The following CELSR3 variants were observed in gnomAD, a reference collection of about 807,000 sequenced individuals.
The protein encoded by CELSR3 is EGF-like protein 1.
In CELSR3, 73 loss-of-function variants were observed where a neutral mutation model predicts 270.0. That is an observed-to-expected ratio of 0.27 (90% CI 0.22 to 0.33). The LOEUF (loss-of-function observed/expected upper bound fraction) is 0.33. CELSR3 is among the 10% of genes least tolerant of loss of function. The pLI, the probability that CELSR3 is intolerant of heterozygous loss-of-function variation, is 1.00. For synonymous variants in CELSR3, 1,780 were observed against 1,905.4 expected (o/e 0.93, Z 1.71); for missense variants, 3,614 against 4,533.8 (o/e 0.80, Z 5.83).
In CELSR3 at chr3:48,641,272, A is replaced by G; in HGVS notation, c.9025+52T>C. The G allele has an allele frequency of 8.2e-7, 1 of 1,223,324 alleles. No homozygotes were observed. Among genetic ancestry groups the G allele is most frequent in the Non-Finnish European group, 1.2e-6 (1 of 831,252 alleles). The allele number at this position is 1,223,324 out of a possible 1,614,324, so 75.8% of individuals were successfully genotyped here. ...AAGCTGCAATCCCTTGGCTCAGGGC[A>G]TGAGCAGCCCCCAGCGTGTCTGCGG... On this transcript the variant is annotated intron_variant, in intron 33 of 34. Transcript: ENST00000164024. This position sits in a 1 kb window ranked among gnomAD's most constrained non-coding sequence, Gnocchi z 4.8.
chr3:48,649,335 C>CT (rs2047116112), intron 16 of CELSR3, 120 bp from the exon 17 acceptor site: 1 of 836,952 alleles, frequency 1.2e-6, no homozygotes, highest in Non-Finnish European at 1.9e-6. Flanking sequence ...TCATGAGCAT[C>CT]TATAGCTGCA....
chr3:48,637,953 CAT>C lies in CELSR3; in HGVS notation c.*250_*251del, dbSNP rs1432786893. 8 of 409,422 alleles carry C rather than the reference CAT, an allele frequency of 2.0e-5. No individual in the cohort carries two copies. The East Asian group carries it at 2.6e-4, about 13-fold the overall frequency. 25.4% of individuals were successfully genotyped at this position (409,422 alleles called of 1,614,324 possible). A position where few individuals can be genotyped will look rare whatever the true frequency, so the allele number is the denominator to read the frequency against. On this transcript the variant is annotated 3_prime_UTR_variant, in exon 35 of 35. Coordinates refer to ENST00000164024, the MANE Select transcript of CELSR3 (RefSeq NM_001407.3). ...AGGAGACAGAAAAGCTGAAAAATAACATAAGCATCTCTCTGGTTACAAAGGTA... is the reference window on the plus strand; with the variant it reads ...AGGAGACAGAAAAGCTGAAAAATAACAAGCATCTCTCTGGTTACAAAGGTA...
rs750028194 is a variant in CELSR3, at chr3:48,650,905, G to T, written c.6357C>A (p.Ala2119=). 2 of 1,610,570 alleles carry T rather than the reference G, an allele frequency of 1.2e-6. No individual in the cohort carries two copies. The highest frequency in any genetic ancestry group is 1.7e-6 in the Non-Finnish European group (2 of 1,179,700). The change falls in exon 15 of 35, where the codon GCC becomes GCA. Residue 2119 remains alanine (A), a synonymous_variant. Transcript: ENST00000164024. The surrounding 1 kb of genome is among the most constrained non-coding windows in gnomAD (Gnocchi z 5.1). The stretch of plus-strand genomic sequence containing the variant: ...GAGCCTGCTCACCCCGGCAGCCGCT[G>T]GCTGTCACCTCTGCGAAGGGACTGT... ...SCDSPFAEVT[A]SGCRVLYDAC... is the part of the protein sequence containing the mutation.
rs886648890 is a variant in CELSR3, at chr3:48,650,519, C to A, written c.6433G>T (p.Gly2145Cys). 24 of 1,610,092 alleles carry A rather than the reference C, an allele frequency of 1.5e-5. No individual in the cohort carries two copies. Among genetic ancestry groups the A allele is most frequent in the Non-Finnish European group, 2.0e-5 (23 of 1,178,790 alleles). ...SGVWWPQTKF[G>C]VLATVPCPRG... is the part of the protein sequence containing the mutation. ...GGACAGGGCACTGTGGCCAGGACGC[C>A]AAACTTTGTCTGGGGCCACCACACA... Residue 2145 changes from glycine (G) to cysteine (C), a missense_variant, in exon 16 of 35, where the codon GGC becomes TGC. By Grantham distance (159) the Gly-to-Cys change is radical. This residue lies in a region of CELSR3 where 1,331 missense variants were observed against 1,933.7 expected (regional missense o/e 0.69). Coordinates refer to ENST00000164024, the MANE Select transcript of CELSR3 (RefSeq NM_001407.3). The surrounding 1 kb of genome is among the most constrained non-coding windows in gnomAD (Gnocchi z 5.1).
In CELSR3 at chr3:48,657,722, G is replaced by A. The variant is rs80125639; in HGVS notation, c.3749-374C>T. Among the ~76,000 whole-genome samples the A allele has an allele frequency of 3.1e-3, 479 of 152,294 alleles. 5 individuals are homozygous for A. Among genetic ancestry groups the A allele is most frequent in the African/African-American group, 9.4e-3 (389 of 41,560 alleles). Reference sequence around the variant, plus strand: ...AGGCCACCCCAACTCAGGACACAGAGAGGAGCTAGGGCCACTGGCCACTCA... The same window carrying A: ...AGGCCACCCCAACTCAGGACACAGAAAGGAGCTAGGGCCACTGGCCACTCA... On this transcript the variant is annotated intron_variant, in intron 1 of 34. Coordinates refer to ENST00000164024, the MANE Select transcript of CELSR3 (RefSeq NM_001407.3). This position sits in a 1 kb window ranked among gnomAD's most constrained non-coding sequence, Gnocchi z 5.4.
At position 48,650,437 on chromosome 3, in the gene CELSR3, CCACCCCCACCCTCA is replaced by C; in HGVS notation, c.6472+29_6472+42del. The C allele has an allele frequency of 1.5e-6, 1 of 664,334 alleles. No individual in the cohort carries two copies. Among genetic ancestry groups the C allele is most frequent in the Non-Finnish European group, 2.6e-6 (1 of 383,784 alleles). The allele number at this position is 664,334 out of a possible 1,614,324, so 41.2% of individuals were successfully genotyped here. Reference sequence around the variant, plus strand: ...TGGCTCTAGCAGTCAGAGTACAGGCCCACCCCCACCCTCAGTGATGTCCTTTCCCCCCACATACT... The same window carrying C: ...TGGCTCTAGCAGTCAGAGTACAGGCCGTGATGTCCTTTCCCCCCACATACT... On this transcript the variant is annotated intron_variant, in intron 16 of 34. Transcript: ENST00000164024. The surrounding 1 kb of genome is among the most constrained non-coding windows in gnomAD (Gnocchi z 5.1).
intron 17 of CELSR3, 31 bp from the exon 18 acceptor site, chr3:48,648,959 G>T (rs2047112710): frequency 6.2e-7 from 1 of 1,608,668 alleles, no homozygotes; most frequent in African/African-American, 1.3e-5. Context: ...TTGCTCTGTG[G>T]TCCCTTAGGC....
At position 48,654,350 on chromosome 3, in the gene CELSR3, C is replaced by T; in HGVS notation, c.5091G>A (p.Leu1697=). 1 of 1,614,060 alleles carries T rather than the reference C, an allele frequency of 6.2e-7. No homozygotes were observed. Among genetic ancestry groups the T allele is most frequent in the Non-Finnish European group, 8.5e-7 (1 of 1,180,012 alleles). The change falls in exon 7 of 35, where the codon CTG becomes CTA. Residue 1697 remains leucine (L), a synonymous_variant. Coordinates refer to ENST00000164024, the MANE Select transcript of CELSR3 (RefSeq NM_001407.3). This position sits in a 1 kb window ranked among gnomAD's most constrained non-coding sequence, Gnocchi z 5.4. ...TGTCCACTCGGCGGCCATCAATGTG[C>T]AGGTCCCGCATACAGCCGATGAAGT... is the stretch of plus-strand genomic sequence containing the variant. The part of the protein sequence containing the change: ...HKDFIGCMRD[L]HIDGRRVDMA...
Position 48,654,015 on chromosome 3 carries a change from A to C in CELSR3, c.5153-12T>G. On this transcript the variant is annotated splice_polypyrimidine_tract_variant and intron_variant, in intron 7 of 34. Coordinates refer to ENST00000164024, the MANE Select transcript of CELSR3 (RefSeq NM_001407.3). The surrounding 1 kb of genome is among the most constrained non-coding windows in gnomAD (Gnocchi z 5.4). ...CTTGGCTTGGCAGCCTGGGAGAGGA[A>C]AGCACATGGCGGACATGAGAACAAG... 1 of 1,611,596 alleles carries C rather than the reference A, an allele frequency of 6.2e-7. No individual in the cohort carries two copies. The highest frequency in any genetic ancestry group is 1.1e-5 in the South Asian group (1 of 91,026).
rs776216670 is a variant in CELSR3 at position 48,648,858 on chromosome 3, C to T, written c.6638G>A (p.Arg2213Gln). 1.3e-5 allele frequency: 21 copies of T among 1,612,770 alleles called. No homozygotes were observed. Among genetic ancestry groups the T allele is most frequent in the East Asian group, 2.2e-5 (1 of 44,894 alleles). The change falls in exon 18 of 35, where the codon CGG becomes CAG. Residue 2213 changes from arginine to glutamine, a missense_variant. Physicochemically the swap from Arg to Gln is conservative, Grantham distance 43. Transcript: ENST00000164024. ...MEAKKLAQRL[R>Q]EVTGHTDHYF... is the part of the protein sequence containing the mutation. ...GTGGTCAGTGTGGCCAGTCACCTCCCGTAGCCGCTGAGCCAGCTTCTTGGC... is the reference window on the plus strand; with the variant it reads ...GTGGTCAGTGTGGCCAGTCACCTCCTGTAGCCGCTGAGCCAGCTTCTTGGC...
At position 48,652,129 on chromosome 3, in the gene CELSR3, T is replaced by G; in HGVS notation, c.5752-81A>C. 1 of 1,338,862 alleles carries G rather than the reference T, an allele frequency of 7.5e-7. No individual in the cohort carries two copies. Among genetic ancestry groups the G allele is most frequent in the African/African-American group, 1.5e-5 (1 of 67,366 alleles). 82.9% of individuals were successfully genotyped at this position (1,338,862 alleles called of 1,614,324 possible). A position where few individuals can be genotyped will look rare whatever the true frequency, so the allele number is the denominator to read the frequency against. ...GTACTGCAGAGCCAGCCACCCGGTC[T>G]GATGATCCTTGACATGCAGTCTTCT... is the stretch of plus-strand genomic sequence containing the variant. On this transcript the variant is annotated intron_variant, in intron 11 of 34. Transcript: ENST00000164024. This position sits in a 1 kb window ranked among gnomAD's most constrained non-coding sequence, Gnocchi z 4.3.
Position 48,660,637 on chromosome 3 carries a change from C to G in CELSR3, c.1998G>C (p.Leu666Phe). The change falls in exon 1 of 35, where the codon TTG becomes TTC. Residue 666 changes from leucine to phenylalanine, a missense_variant. Physicochemically the swap from Leu to Phe is conservative, Grantham distance 22 (BLOSUM62 0). Transcript: ENST00000164024. This position sits in a 1 kb window ranked among gnomAD's most constrained non-coding sequence, Gnocchi z 5.5. Reference protein sequence around the residue: ...FQVSVLENAPLGHSVIHIQAV... With the variant: ...FQVSVLENAPFGHSVIHIQAV... Reference sequence around the variant, plus strand: ...CCTGAATGTGGATGACTGAGTGACCCAAGGGAGCATTTTCCAAGACAGAAA... The same window carrying G: ...CCTGAATGTGGATGACTGAGTGACCGAAGGGAGCATTTTCCAAGACAGAAA... 6.2e-7 allele frequency: 1 copy of G among 1,614,104 alleles called. No individual in the cohort carries two copies. The highest frequency in any genetic ancestry group is 8.5e-7 in the Non-Finnish European group (1 of 1,180,010).
Position 48,662,295 on chromosome 3 carries a change from C to T in CELSR3, c.340G>A (p.Gly114Ser), listed in dbSNP as rs1408479933. The T allele has an allele frequency of 6.2e-7, 1 of 1,612,936 alleles. No homozygotes were observed. Among genetic ancestry groups the T allele is most frequent in the Non-Finnish European group, 8.5e-7 (1 of 1,180,038 alleles). Reference protein sequence around the residue: ...QPNEELGIEHGVQPLGSRERE... With the variant: ...QPNEELGIEHSVQPLGSRERE... The stretch of plus-strand genomic sequence containing the variant: ...TCGCGGCTGCCCAATGGCTGGACGC[C>T]GTGTTCAATCCCCAGCTCCTCATTC... Residue 114 changes from glycine to serine, a missense_variant, in exon 1 of 35, where the codon GGC (glycine) becomes AGC (serine). By Grantham distance (56) the Gly-to-Ser change is moderately conservative. Coordinates refer to ENST00000164024, the MANE Select transcript of CELSR3 (RefSeq NM_001407.3). This position sits in a 1 kb window ranked among gnomAD's most constrained non-coding sequence, Gnocchi z 7.1.
chr3:48,640,087 G>T lies in CELSR3; in HGVS notation c.9498C>A (p.Asp3166Glu). ...ACAGGGGCAGAGGTGGGGGCTGTGG[G>T]TCAAGGTCCCGGGTGCGGCGGGGCG... ...LPPPRRTRDL[D>E]PQPPPLPLSP... The change falls in exon 34 of 35, where the codon GAC (aspartate) becomes GAA (glutamate). Residue 3166 changes from aspartate to glutamate, a missense_variant. Asp to Glu is a conservative substitution (Grantham distance 45). Around this residue, in one of 7 missense-constraint regions of CELSR3, gnomAD observed 1,240 missense variants for 1,351.7 expected, o/e 0.92. Transcript: ENST00000164024. The surrounding 1 kb of genome is among the most constrained non-coding windows in gnomAD (Gnocchi z 7.5). The T allele has an allele frequency of 6.2e-7, 1 of 1,610,926 alleles. No individual in the cohort carries two copies. The highest frequency in any genetic ancestry group is 8.5e-7 in the Non-Finnish European group (1 of 1,179,774).
At position 48,657,049 on chromosome 3, in the gene CELSR3, CGGAGCTGAACCA is replaced by C. The variant is rs770626589; in HGVS notation, c.4036_4047del (p.Trp1346_Ser1349del). 6.2e-7 allele frequency: 1 copy of C among 1,613,698 alleles called. No individual in the cohort carries two copies. Among genetic ancestry groups the C allele is most frequent in the Non-Finnish European group, 8.5e-7 (1 of 1,179,898 alleles). On this transcript the variant is annotated inframe_deletion, in exon 2 of 35. Coordinates refer to ENST00000164024, the MANE Select transcript of CELSR3 (RefSeq NM_001407.3). This position sits in a 1 kb window ranked among gnomAD's most constrained non-coding sequence, Gnocchi z 5.4. ...ACGTACAACTGCTCCTGCAGCTCCT[CGGAGCTGAACCA>C]GGGCCCTGCAGCGCCCGCCCCGGCC... is the stretch of plus-strand genomic sequence containing the variant.
Position 48,662,861 on chromosome 3 carries a change from C to T in CELSR3, c.-227G>A. On this transcript the variant is annotated 5_prime_UTR_variant, in exon 1 of 35. Coordinates refer to ENST00000164024, the MANE Select transcript of CELSR3 (RefSeq NM_001407.3). This position sits in a 1 kb window ranked among gnomAD's most constrained non-coding sequence, Gnocchi z 7.1. The stretch of plus-strand genomic sequence containing the variant: ...CGCCCCCACCACAGCATCCCCGACG[C>T]TGCTGCCGCCTCCCGCCGCTCCAAC... 3.0e-6 allele frequency: 1 copy of T among 334,990 alleles called. No individual in the cohort carries two copies. Among genetic ancestry groups the T allele is most frequent in the Non-Finnish European group, 5.5e-6 (1 of 182,476 alleles). 20.8% of individuals were successfully genotyped at this position (334,990 alleles called of 1,614,324 possible).
At position 48,641,295 on chromosome 3, in the gene CELSR3, C is replaced by A. The variant is rs369297280; in HGVS notation, c.9025+29G>T. On this transcript the variant is annotated intron_variant, in intron 33 of 34. Transcript: ENST00000164024. The surrounding 1 kb of genome is among the most constrained non-coding windows in gnomAD (Gnocchi z 4.8). ...GCATGAGCAGCCCCCAGCGTGTCTGCGGTGTGGGCCAGGGCTCAGGGACTG... is the reference window on the plus strand; with the variant it reads ...GCATGAGCAGCCCCCAGCGTGTCTGAGGTGTGGGCCAGGGCTCAGGGACTG... 5 of 1,458,392 alleles carry A rather than the reference C, an allele frequency of 3.4e-6. No individual in the cohort carries two copies. In the African/African-American group the frequency reaches 7.0e-5, roughly 20 times the overall value. The allele number at this position is 1,458,392 out of a possible 1,614,324, so 90.3% of individuals were successfully genotyped here.
chr3:48,655,252 G>A lies in CELSR3; in HGVS notation c.4831-51C>T, dbSNP rs769532765. On this transcript the variant is annotated intron_variant, in intron 5 of 34. Transcript: ENST00000164024. This position sits in a 1 kb window ranked among gnomAD's most constrained non-coding sequence, Gnocchi z 5.8. Reference sequence around the variant, plus strand: ...CAGTGCCCCCAGTAACCCCTGAGGAGCAGAAGTCAGCATCCCAACTCCCCT... The same window carrying A: ...CAGTGCCCCCAGTAACCCCTGAGGAACAGAAGTCAGCATCCCAACTCCCCT... The A allele has an allele frequency of 1.2e-6, 2 of 1,613,960 alleles. No individual in the cohort carries two copies. The highest frequency in any genetic ancestry group is 1.7e-6 in the Non-Finnish European group (2 of 1,179,898).
At position 48,661,252 on chromosome 3, in the gene CELSR3, G is replaced by A. The variant is rs748457780; in HGVS notation, c.1383C>T (p.Asp461=). 1.2e-5 allele frequency: 20 copies of A among 1,608,902 alleles called. No homozygotes were observed. The highest frequency in any genetic ancestry group is 4.5e-5 in the East Asian group (2 of 44,714). Residue 461 remains aspartate (D), a synonymous_variant, in exon 1 of 35, where the codon GAC becomes GAT. Coordinates refer to ENST00000164024, the MANE Select transcript of CELSR3 (RefSeq NM_001407.3). The part of the protein sequence containing the change: ...PILQLRATDG[D]APPNANLRYR... ...AGCGCAGGTTGGCGTTGGGGGGCGCGTCGCCGTCAGTGGCACGCAGCTGCA... is the reference window on the plus strand; with the variant it reads ...AGCGCAGGTTGGCGTTGGGGGGCGCATCGCCGTCAGTGGCACGCAGCTGCA...
Sources: gnomAD v4.1 joint callset for allele counts (sites outside exome capture counted in the v4.1 genomes callset) on GRCh38, gnomAD v4.1.1 for gene constraint, gnomAD v4.1.1 regional missense constraint, Gnocchi (gnomAD v3.1) non-coding constraint, MANE v1.5 for transcripts, NCBI Gene and HGNC (gene_info 2026-07-23, HGNC 2026-07-21) for gene names.